The following PPEF2 variants were observed in gnomAD, a reference collection of about 807,000 sequenced individuals.
PPEF2 encodes the protein protein phosphatase with EF-hand domain 2.
PPEF2 carries 84 observed loss-of-function variants against 84.7 expected under a neutral mutation model. That is an observed-to-expected ratio of 0.99 (90% CI 0.83 to 1.19). The LOEUF (loss-of-function observed/expected upper bound fraction) is 1.19. Among genes scored for constraint, PPEF2 ranks in the 50% most tolerant of loss-of-function variants. The pLI is 0.00. For synonymous variants in PPEF2, 346 were observed against 345.2 expected (o/e 1.00, Z -0.03); for missense variants, 924 against 937.5 (o/e 0.99, Z 0.19).
rs187139589 is a variant in PPEF2, at chr4:75,890,072, T to G, written c.302A>C (p.Lys101Thr). 2.5e-6 allele frequency: 4 copies of G among 1,614,072 alleles called. No homozygotes were observed. The Admixed American group carries it at 6.7e-5, about 27-fold the overall frequency. ...CTCTATGGATTCATAGTCACTGCAT[T>G]TCTTCATCTCGGAGTCCTGGGCGAA... ...DRFAQDSEMK[K>T]CSDYESIEVP... is the part of the protein sequence containing the mutation. The change falls in exon 5 of 17, where the codon AAA becomes ACA. Residue 101 changes from lysine (K) to threonine (T), a missense_variant. Lys to Thr is a moderately conservative substitution (Grantham distance 78). Transcript: ENST00000286719.
At chr4:75,869,693 A>T (rs1724219601) in intron 13 of PPEF2, among the ~76,000 whole-genome samples, 2 of 152,046 alleles carry the variant, frequency 1.3e-5, no homozygotes, top group South Asian at 2.1e-4. Context: ...CAAAAAATTT[A>T]AAAAATTAGC....
chr4:75,883,313 G>A, intron 8 of PPEF2, 111 bp from the exon 9 acceptor site: 1 of 956,710 alleles, frequency 1.0e-6, no homozygotes, highest in South Asian at 1.4e-5. Context: ...TAAATACATA[G>A]AAAAGAGACT....
intron 13 of PPEF2, among the ~76,000 whole-genome samples, chr4:75,871,118 C>T (rs955652497): frequency 2.0e-5 from 3 of 151,822 alleles, no homozygotes; most frequent in South Asian, 4.1e-4. Flanking sequence ...CAGGGTTTCA[C>T]CATGTTGGCC....
chr4:75,880,993 G>T (rs1487516321), intron 10 of PPEF2, among the ~76,000 whole-genome samples: 2 of 151,518 alleles, frequency 1.3e-5, no homozygotes, highest in Non-Finnish European at 2.9e-5. Flanking sequence ...GTAGAGACGG[G>T]GTTTCACCAT....
In PPEF2 at chr4:75,891,909, C is replaced by A. The variant is rs201749049; in HGVS notation, c.125G>T (p.Arg42Leu). 2 of 1,613,996 alleles carry A rather than the reference C, an allele frequency of 1.2e-6. No individual in the cohort carries two copies. Among genetic ancestry groups the A allele is most frequent in the African/African-American group, 2.7e-5 (2 of 74,928 alleles). The stretch of plus-strand genomic sequence containing the variant: ...AGACTGGAAGATGCTCCAGGTGCAA[C>A]GCCGCCTCATCTCCAGGCGGGCCAC... Reference protein sequence around the residue: ...RYVARLEMRRRCTWSIFQSIE... With the variant: ...RYVARLEMRRLCTWSIFQSIE... The change falls in exon 3 of 17, where the codon CGT (arginine) becomes CTT (leucine). Residue 42 changes from arginine to leucine, a missense_variant. Coordinates refer to ENST00000286719, the MANE Select transcript of PPEF2 (RefSeq NM_006239.3).
intron 10 of PPEF2, among the ~76,000 whole-genome samples, chr4:75,882,472 G>A (rs187022529): frequency 6.6e-6 from 1 of 151,880 alleles, no homozygotes; most frequent in East Asian, 1.9e-4. Context: ...CCACTGGCAT[G>A]TACATGGTAG....
chr4:75,891,772 T>C (rs1560488034), intron 3 of PPEF2, 67 bp from the exon 4 acceptor site: 3 of 1,596,318 alleles, frequency 1.9e-6, no homozygotes, highest in South Asian at 1.1e-5. Flanking sequence ...AGTAGTCCAG[T>C]TGGCCTCACT....
intron 6 of PPEF2, among the ~76,000 whole-genome samples, chr4:75,887,314 T>C (rs1176845125): frequency 6.6e-6 from 1 of 152,174 alleles, no homozygotes; most frequent in East Asian, 1.9e-4. Flanking sequence ...ATTTCCAATG[T>C]TGAAATACCA....
intron 10 of PPEF2, among the ~76,000 whole-genome samples, chr4:75,879,716 T>A (rs2149220394): frequency 6.6e-6 from 1 of 152,346 alleles, no homozygotes; most frequent in Non-Finnish European, 1.5e-5. Context: ...TTTTATAAGG[T>A]ATGAATGTTC....
rs1212937331 is a variant in PPEF2 at position 75,888,255 on chromosome 4, T to C, written c.491A>G (p.Asn164Ser). 1 of 1,614,014 alleles carries C rather than the reference T, an allele frequency of 6.2e-7. No homozygotes were observed. Among genetic ancestry groups the C allele is most frequent in the South Asian group, 1.1e-5 (1 of 91,076 alleles). Reference protein sequence around the residue: ...KKHLVQLPNINRVSTCYSEEI... With the variant: ...KKHLVQLPNISRVSTCYSEEI... ...CTCACTGTAACAGGTTGAGACCCGG[T>C]TGATGTTTGGCAGCTGTACCAGATG... Residue 164 changes from asparagine (N) to serine (S), a missense_variant, in exon 6 of 17, where the codon AAC becomes AGC. Physicochemically the swap from Asn to Ser is conservative, Grantham distance 46. Coordinates refer to ENST00000286719, the MANE Select transcript of PPEF2 (RefSeq NM_006239.3).
Position 75,864,519 on chromosome 4 carries a change from T to C in PPEF2, c.1929A>G (p.Gln643=). ...GATACAATGTTTCCAGCAAACTTGA[T>C]TGTATGTTCTGCAAGAAAAAATTCA... ...AKEQLSRENI[Q]SSLLETLYRN... The change falls in exon 16 of 17, where the codon CAA becomes CAG. Residue 643 remains glutamine (Q), a synonymous_variant. Coordinates refer to ENST00000286719, the MANE Select transcript of PPEF2 (RefSeq NM_006239.3). The C allele has an allele frequency of 6.2e-7, 1 of 1,611,304 alleles. No homozygotes were observed. The highest frequency in any genetic ancestry group is 8.5e-7 in the Non-Finnish European group (1 of 1,177,502).
Position 75,861,031 on chromosome 4 carries a change from C to T in PPEF2, c.2009-111G>A. On this transcript the variant is annotated intron_variant, in intron 16 of 16. Transcript: ENST00000286719. ...CCCTACTGCTCAACAGAGAGACACA[C>T]AAATCCTAGTATCTAATTTAAACTC... is the stretch of plus-strand genomic sequence containing the variant. 6 of 1,252,134 alleles carry T rather than the reference C, an allele frequency of 4.8e-6. No homozygotes were observed. In the South Asian group the frequency reaches 7.2e-5, roughly 15 times the overall value. The allele number at this position is 1,252,134 out of a possible 1,614,324, so 77.6% of individuals were successfully genotyped here.
intron 10 of PPEF2, among the ~76,000 whole-genome samples, chr4:75,879,289 G>A (rs1469399221): frequency 6.6e-6 from 1 of 152,192 alleles, no homozygotes; most frequent in Non-Finnish European, 1.5e-5. Flanking sequence ...TCTAGATTTT[G>A]CTTTAAAAGT....
intron 1 of PPEF2, among the ~76,000 whole-genome samples, chr4:75,896,963 C>T (rs375289184): frequency 3.3e-5 from 5 of 152,100 alleles, no homozygotes; most frequent in African/African-American, 1.2e-4. Flanking sequence ...TGGCTCCCTG[C>T]GAGCTCCGCC....
At chr4:75,872,615 T>C (rs1257032752) in intron 12 of PPEF2, among the ~76,000 whole-genome samples, 1 of 152,052 alleles carries the variant, frequency 6.6e-6, no homozygotes, top group Non-Finnish European at 1.5e-5. Flanking sequence ...AGTCAATACG[T>C]TGGGAAATGC....
intron 10 of PPEF2, chr4:75,881,330 C>A (rs1164914760): frequency 6.6e-6 from 1 of 152,148 alleles, no homozygotes; most frequent in African/African-American, 2.4e-5. Context: ...GAACTCCTTA[C>A]CTCATGATCC....
intron 2 of PPEF2, among the ~76,000 whole-genome samples, chr4:75,894,034 G>A (rs1724953430): frequency 6.6e-6 from 1 of 152,140 alleles, no homozygotes; most frequent in Non-Finnish European, 1.5e-5. Flanking sequence ...CTTGGGCCAT[G>A]TGTAAACTAA....
chr4:75,893,269 TGGTG>T (rs1185272613), intron 2 of PPEF2, among the ~76,000 whole-genome samples: 3 of 152,084 alleles, frequency 2.0e-5, no homozygotes, highest in African/African-American at 7.2e-5. Flanking sequence ...AGGCTGAGGC[TGGTG>T]GATCACCTGA....
chr4:75,887,313 G>T (rs990268517), intron 6 of PPEF2, among the ~76,000 whole-genome samples: 2 of 152,164 alleles, frequency 1.3e-5, no homozygotes, highest in African/African-American at 2.4e-5. Flanking sequence ...AATTTCCAAT[G>T]TTGAAATACC....
Sources: allele counts gnomAD v4.1 joint callset (sites outside exome capture counted in the v4.1 genomes callset), GRCh38; gene constraint gnomAD v4.1.1; transcripts MANE v1.5; gene names NCBI Gene and HGNC (gene_info 2026-07-23, HGNC 2026-07-21).